The following GCSAML variants were observed in gnomAD, a reference collection of about 807,000 sequenced individuals.
The protein encoded by GCSAML is germinal center associated signaling and motility like, also known as germinal center-associated signaling and motility-like protein.
GCSAML carries 9 observed loss-of-function variants against 13.0 expected under a neutral mutation model. That is an observed-to-expected ratio of 0.69 (90% confidence interval 0.42 to 1.21). GCSAML has a LOEUF of 1.21. GCSAML is among the 50% of genes most tolerant of loss of function. The pLI, the probability that GCSAML is intolerant of heterozygous loss-of-function variation, is 0.00. For missense variants in GCSAML, 143 were observed against 153.4 expected, an observed-to-expected ratio of 0.93 and a Z score of 0.36; for synonymous variants, 37 against 52.9, an observed-to-expected ratio of 0.70 and a Z score of 1.31.
chr1:247,531,954 C>A (rs1666987013), intron 2 of GCSAML: 1 of 1,614,018 alleles, frequency 6.2e-7, no homozygotes, highest in African/African-American at 1.3e-5. Context: ...AAGCCAGTTG[C>A]ATAATGAGGG....
intron 2 of GCSAML, among the ~76,000 whole-genome samples, chr1:247,558,631 C>T (rs550427996): frequency 6.6e-6 from 1 of 152,136 alleles, no homozygotes; most frequent in African/African-American, 2.4e-5. Context: ...CTTATTTTTG[C>T]TTTCCTTAGT....
intron 2 of GCSAML, among the ~76,000 whole-genome samples, chr1:247,535,863 C>T (rs533434372): frequency 6.6e-6 from 1 of 152,308 alleles, no homozygotes; most frequent in Admixed American, 6.5e-5. Context: ...ATTAAAAACT[C>T]ACTTTTCAAA....
chr1:247,518,200 C>T (rs1030526504), intron 1 of GCSAML, among the ~76,000 whole-genome samples: 1 of 152,232 alleles, frequency 6.6e-6, no homozygotes, highest in Non-Finnish European at 1.5e-5. Context: ...CCGGGAGCTG[C>T]CATTCCGCCC....
At chr1:247,519,597 A>G (rs909157382) in intron 1 of GCSAML, among the ~76,000 whole-genome samples, 4 of 152,228 alleles carry the variant, frequency 2.6e-5, no homozygotes, top group Non-Finnish European at 4.4e-5. Context: ...TACAACATCA[A>G]TTTAAGTGCG....
chr1:247,509,788 A>G (rs1665964534), intron 1 of GCSAML, among the ~76,000 whole-genome samples: 1 of 152,074 alleles, frequency 6.6e-6, no homozygotes. Context: ...GGTTTTGTTT[A>G]TGTGATTGAT....
At position 247,539,531 on chromosome 1, in the gene GCSAML, A is replaced by T. The variant is rs532461576; in HGVS notation, c.-147-9514A>T. Reference sequence around the variant, plus strand: ...TGGCAGTTTTATTTTTTTTTATTATATATTGCTTAGCTACGTGACCTTTAG... The same window carrying T: ...TGGCAGTTTTATTTTTTTTTATTATTTATTGCTTAGCTACGTGACCTTTAG... On this transcript the variant is annotated intron_variant, in intron 2 of 5. Coordinates refer to the GCSAML transcript ENST00000366489. Among the ~76,000 whole-genome samples the T allele has an allele frequency of 3.1e-3, 468 of 152,190 alleles. 2 individuals carry two copies. Among genetic ancestry groups the T allele is most frequent in the Middle Eastern group, 0.01 (3 of 294 alleles).
chr1:247,514,417 G>C (rs908954894), intron 1 of GCSAML, among the ~76,000 whole-genome samples: 1 of 152,146 alleles, frequency 6.6e-6, no homozygotes, highest in African/African-American at 2.4e-5. Context: ...CTCCTACTCT[G>C]TCAGTTGTCT....
At chr1:247,517,540 A>AT (rs546836859) in intron 1 of GCSAML, among the ~76,000 whole-genome samples, 4 of 152,232 alleles carry the variant, frequency 2.6e-5, no homozygotes, top group Non-Finnish European at 4.4e-5. Flanking sequence ...CTGACAAAAT[A>AT]TTTTTTTTAA....
intron 4 of GCSAML, among the ~76,000 whole-genome samples, chr1:247,570,950 T>C (rs1176056): frequency 0.39 from 59,374 of 152,058 alleles, 12,452 homozygotes; most frequent in East Asian, 0.79. Flanking sequence ...TTAATCCCTT[T>C]ACCGTTATGT....
chr1:247,549,430 C>T (rs1667692693), intron 1 of GCSAML, among the ~76,000 whole-genome samples: 1 of 152,062 alleles, frequency 6.6e-6, no homozygotes, highest in African/African-American at 2.4e-5. Context: ...ATGTAGAAAA[C>T]AAAAATACTG....
intron 1 of GCSAML, among the ~76,000 whole-genome samples, chr1:247,551,322 T>C (rs1001535326): frequency 6.6e-6 from 1 of 152,188 alleles, no homozygotes; most frequent in East Asian, 1.9e-4. Flanking sequence ...TGTGAAAATG[T>C]ATGAGTTTCA....
upstream of GCSAML, among the ~76,000 whole-genome samples, chr1:247,547,838 G>C (rs973311201): frequency 6.6e-6 from 1 of 152,136 alleles, no homozygotes; most frequent in Non-Finnish European, 1.5e-5. Context: ...CAGGATCCTC[G>C]GGTGATTTGC....
intron 2 of GCSAML, chr1:247,532,439 C>T (rs778698708): frequency 6.2e-7 from 1 of 1,614,040 alleles, no homozygotes; most frequent in East Asian, 2.2e-5. Flanking sequence ...AGGACAGTTT[C>T]TAGTGAGGGT....
chr1:247,513,212 G>A (rs113367454), intron 1 of GCSAML, among the ~76,000 whole-genome samples: 2 of 152,224 alleles, frequency 1.3e-5, no homozygotes, highest in Non-Finnish European at 2.9e-5. Flanking sequence ...CCTGCCCAGA[G>A]AGGAGCAATC....
At chr1:247,532,277 C>T (rs1327784801) in intron 2 of GCSAML, 1 of 1,614,050 alleles carries the variant, frequency 6.2e-7, no homozygotes, top group Non-Finnish European at 8.5e-7. Flanking sequence ...AGCTGTGGGA[C>T]AATGCTCGTG....
Position 247,576,678 on chromosome 1 carries a change from A to G in GCSAML, c.*2296A>G, listed in dbSNP as rs1048203239. On this transcript the variant is annotated 3_prime_UTR_variant, in exon 5 of 5. Coordinates refer to ENST00000366488, the MANE Select transcript of GCSAML (RefSeq NM_145278.5). ...TCCAGATAACTCATTTGCTGTATAC[A>G]CATTTTGCCTCTCTATTCAACGAAT... The G allele has an allele frequency of 6.6e-6, 1 of 152,198 alleles. No homozygotes were observed. Among genetic ancestry groups the G allele is most frequent in the African/African-American group, 2.4e-5 (1 of 41,456 alleles). 9.4% of individuals were successfully genotyped at this position (152,198 alleles called of 1,614,324 possible).
In GCSAML at chr1:247,519,689, G is replaced by A. The variant is rs879213309; in HGVS notation, c.-262-7251G>A. 4.6e-5 allele frequency among the ~76,000 whole-genome samples: 7 copies of A among 152,358 alleles called. No homozygotes were observed. In the South Asian group the frequency reaches 1.4e-3, roughly 32 times the overall value. ...CTATGCATGGTAGTGAGTCAGTTGTGTATATGTGTGTGTGAAATGTGTTTC... is the reference window on the plus strand; with the variant it reads ...CTATGCATGGTAGTGAGTCAGTTGTATATATGTGTGTGTGAAATGTGTTTC... On this transcript the variant is annotated intron_variant, in intron 1 of 5. Coordinates refer to the GCSAML transcript ENST00000366489.
At chr1:247,565,699 C>T in intron 3 of GCSAML, 1 of 460,586 alleles carries the variant, frequency 2.2e-6, no homozygotes, top group East Asian at 3.7e-5. Context: ...ACAGAAAGAA[C>T]ATACTATTGA....
intron 1 of GCSAML, among the ~76,000 whole-genome samples, chr1:247,549,730 T>C (rs1667701831): frequency 6.6e-6 from 1 of 152,198 alleles, no homozygotes; most frequent in Non-Finnish European, 1.5e-5. Flanking sequence ...CCTTGCAAAT[T>C]ATGGATGCGG....
Sources: allele counts gnomAD v4.1 joint callset (sites outside exome capture counted in the v4.1 genomes callset), GRCh38; gene constraint gnomAD v4.1.1; transcripts MANE v1.5; gene names NCBI Gene and HGNC (gene_info 2026-07-23, HGNC 2026-07-21).